The following CD7 variants were observed in gnomAD, a reference collection of about 807,000 sequenced individuals.
CD7 encodes CD7 molecule.
A neutral mutation model predicts 17.6 loss-of-function variants in CD7; 19 were observed. That is an observed-to-expected ratio of 1.08 (90% CI 0.75 to 1.58). CD7 has a LOEUF of 1.58. Ranked by LOEUF, CD7 falls within the 40% of genes most tolerant of loss-of-function variation. The pLI, the probability that CD7 is intolerant of heterozygous loss-of-function variation, is 0.00. For missense variants in CD7, 291 were observed against 327.1 expected (o/e 0.89, Z 0.85); for synonymous variants, 160 against 159.8 (o/e 1.00, Z -0.01).
In CD7 at chr17:82,317,340, G is replaced by A. The variant is rs1414046692; in HGVS notation, c.82+74C>T. ...TTCCTGGGGGCTGTGCTGTGGCTCA[G>A]ACTGGGGGCTCTGAGCTCATGGGGC... On this transcript the variant is annotated intron_variant, in intron 1 of 3. Transcript: ENST00000312648. The A allele has an allele frequency of 2.8e-6, 4 of 1,404,588 alleles. No homozygotes were observed. In the Admixed American group the frequency reaches 7.9e-5, roughly 28 times the overall value. The allele number at this position is 1,404,588 out of a possible 1,614,324, so 87.0% of individuals were successfully genotyped here. A position where few individuals can be genotyped will look rare whatever the true frequency, so the allele number is the denominator to read the frequency against.
At chr17:82,315,810 G>A (rs772050523) in intron 3 of CD7, 26 of 578,476 alleles carry the variant, frequency 4.5e-5, no homozygotes, top group Admixed American at 1.2e-4. Flanking sequence ...CAACATGCAC[G>A]CACAGTCCTC....
chr17:82,315,442 G>A lies in CD7; in HGVS notation c.613-11C>T, dbSNP rs2052000024. ...GCACAGTTTCTTTATCTGAAAGACA[G>A]AACCGCCGTCTCCAACCAGTGGCCA... On this transcript the variant is annotated splice_polypyrimidine_tract_variant and intron_variant, in intron 3 of 3. Transcript: ENST00000312648. The A allele has an allele frequency of 3.7e-6, 6 of 1,608,360 alleles. No homozygotes were observed. The highest frequency in any genetic ancestry group is 5.1e-6 in the Non-Finnish European group (6 of 1,175,052).
intron 3 of CD7, chr17:82,315,680 G>A (rs1386324545): frequency 9.1e-6 from 5 of 550,384 alleles, no homozygotes; most frequent in Non-Finnish European, 1.3e-5. Context: ...CAAGCCAAGC[G>A]GGACCCCCAC....
chr17:82,315,988 G>T (rs142275515), intron 3 of CD7: 3 of 668,576 alleles, frequency 4.5e-6, no homozygotes, highest in Non-Finnish European at 7.9e-6. Context: ...CGGGCCCAGC[G>T]CCTGGGCTGC....
At position 82,317,572 on chromosome 17, in the gene CD7, G is replaced by T; in HGVS notation, c.-77C>A. 7.6e-7 allele frequency: 1 copy of T among 1,322,668 alleles called. No individual in the cohort carries two copies. The highest frequency in any genetic ancestry group is 1.0e-6 in the Non-Finnish European group (1 of 976,780). The allele number at this position is 1,322,668 out of a possible 1,614,324, so 81.9% of individuals were successfully genotyped here. A position where few individuals can be genotyped will look rare whatever the true frequency, so the allele number is the denominator to read the frequency against. ...GGTCTACAGGACCCCACAGAGAGCA[G>T]CACACAGGAGACCGCAGGCGCTCAG... On this transcript the variant is annotated 5_prime_UTR_variant, in exon 1 of 4. In the 5' UTR this introduces an upstream ATG that the reference lacks. Coordinates refer to ENST00000312648, the MANE Select transcript of CD7 (RefSeq NM_006137.7).
In CD7 at chr17:82,317,444, G is replaced by C. The variant is rs747044187; in HGVS notation, c.52C>G (p.Arg18Gly). The C allele has an allele frequency of 6.4e-7, 1 of 1,570,812 alleles. No individual in the cohort carries two copies. The highest frequency in any genetic ancestry group is 8.6e-7 in the Non-Finnish European group (1 of 1,158,960). The change falls in exon 1 of 4, where the codon CGC becomes GGC. Residue 18 changes from arginine to glycine, a missense_variant. Physicochemically the swap from Arg to Gly is moderately radical, Grantham distance 125. Transcript: ENST00000312648. ...LLLPLLLALA[R>G]GLPGALAAQE... Reference sequence around the variant, plus strand: ...GCAGCCAGGGCCCCAGGCAGGCCGCGAGCCAGCGCCAGAAGCAGGGGCAGC... The same window carrying C: ...GCAGCCAGGGCCCCAGGCAGGCCGCCAGCCAGCGCCAGAAGCAGGGGCAGC...
At chr17:82,315,497 G>C in intron 3 of CD7, 66 bp from the exon 4 acceptor site, 2 of 1,266,890 alleles carry the variant, frequency 1.6e-6, no homozygotes, top group Non-Finnish European at 2.3e-6. Flanking sequence ...ACCCCACTCC[G>C]GTCAGCTTTC....
Position 82,315,146 on chromosome 17 carries a change from G to A in CD7, c.*175C>T, listed in dbSNP as rs374726181. ...GCATCATTGTCCACTGAGAAGCACCGTGGGGCCTGGCCACTGCCTGTGTGT... is the reference window on the plus strand; with the variant it reads ...GCATCATTGTCCACTGAGAAGCACCATGGGGCCTGGCCACTGCCTGTGTGT... On this transcript the variant is annotated 3_prime_UTR_variant, in exon 4 of 4. Transcript: ENST00000312648. 25 of 591,220 alleles carry A rather than the reference G, an allele frequency of 4.2e-5. No homozygotes were observed. The highest frequency in any genetic ancestry group is 2.9e-4 in the East Asian group (10 of 34,918). 36.6% of individuals were successfully genotyped at this position (591,220 alleles called of 1,614,324 possible).
Position 82,316,873 on chromosome 17 carries a change from G to A in CD7, c.191C>T (p.Pro64Leu), listed in dbSNP as rs751596683. 6.2e-7 allele frequency: 1 copy of A among 1,613,618 alleles called. No individual in the cohort carries two copies. The highest frequency in any genetic ancestry group is 2.2e-5 in the East Asian group (1 of 44,884). The stretch of plus-strand genomic sequence containing the variant: ...GTAGTAAATGATGTCTTGGGGCTGT[G>A]GCCCGAGCTGCCTCAGGTAGATCCC... The part of the protein sequence containing the change: ...LRGIYLRQLG[P>L]QPQDIIYYED... Residue 64 changes from proline (P) to leucine (L), a missense_variant, in exon 2 of 4, where the codon CCA (proline) becomes CTA (leucine). Coordinates refer to ENST00000312648, the MANE Select transcript of CD7 (RefSeq NM_006137.7).
chr17:82,315,307 A>C lies in CD7; in HGVS notation c.*14T>G, dbSNP rs2051997878. The C allele has an allele frequency of 6.3e-7, 1 of 1,575,040 alleles. No individual in the cohort carries two copies. Among genetic ancestry groups the C allele is most frequent in the South Asian group, 1.1e-5 (1 of 90,322 alleles). The stretch of plus-strand genomic sequence containing the variant: ...TGGGGGGACCACAGGCGGGACGTGC[A>C]GGGGCCCACTGGGTCACTGGTACTG... On this transcript the variant is annotated 3_prime_UTR_variant, in exon 4 of 4. Transcript: ENST00000312648.
chr17:82,316,394 C>T lies in CD7; in HGVS notation c.413G>A (p.Gly138Glu). 1.3e-6 allele frequency: 2 copies of T among 1,585,090 alleles called. No homozygotes were observed. The highest frequency in any genetic ancestry group is 8.6e-7 in the Non-Finnish European group (1 of 1,166,766). The change falls in exon 3 of 4, where the codon GGA (glycine) becomes GAA (glutamate). Residue 138 changes from glycine to glutamate, a missense_variant. Physicochemically the swap from Gly to Glu is moderately conservative, Grantham distance 98 (BLOSUM62 -2). Transcript: ENST00000312648. Reference protein sequence around the residue: ...LVLVTEEQSQGWHRCSDAPPR... With the variant: ...LVLVTEEQSQEWHRCSDAPPR... ...TGGGGCGTCCGAGCATCTGTGCCAT[C>T]CTTGGGACTGTTCCTCTGAGAAGGA...
intron 2 of CD7, 52 bp from the exon 3 acceptor site, chr17:82,316,461 GC>G: frequency 2.0e-6 from 3 of 1,473,114 alleles, no homozygotes; most frequent in Non-Finnish European, 1.8e-6. Context: ...ACCTGTTAGA[GC>G]CCCCGGGGTT....
intron 3 of CD7, chr17:82,315,869 C>T (rs2052006654): frequency 1.7e-6 from 1 of 599,106 alleles, no homozygotes; most frequent in East Asian, 2.8e-5. Context: ...ACACGCGGGC[C>T]CAGCGCCTGG....
At position 82,316,743 on chromosome 17, in the gene CD7, C is replaced by T. The variant is rs372834495; in HGVS notation, c.321G>A (p.Ser107=). 4.2e-5 allele frequency: 68 copies of T among 1,613,766 alleles called. No homozygotes were observed. The highest frequency in any genetic ancestry group is 6.7e-5 in the East Asian group (3 of 44,894). Residue 107 remains serine (S), a synonymous_variant, in exon 2 of 4, where the codon TCG becomes TCA. Coordinates refer to ENST00000312648, the MANE Select transcript of CD7 (RefSeq NM_006137.7). The part of the protein sequence containing the change: ...LTITMHRLQL[S]DTGTYTCQAI... ...CCTGGCAGGTGTAGGTGCCAGTGTC[C>T]GACAGCTGCAGGCGGTGCATGGTGA... is the stretch of plus-strand genomic sequence containing the variant.
intron 3 of CD7, 37 bp from the exon 4 acceptor site, chr17:82,315,468 G>C: frequency 6.5e-7 from 1 of 1,533,868 alleles, no homozygotes; most frequent in Non-Finnish European, 9.0e-7. Flanking sequence ...CCAGTGGCCA[G>C]CGTGGTGTCC....
Position 82,316,265 on chromosome 17 carries a change from GCAGGGAGGGCAGAGGCTGCTGGCGGGT to G in CD7, c.515_541del (p.Asp172_Pro180del), listed in dbSNP as rs779696544. 0.036 allele frequency: 56,380 copies of G among 1,575,390 alleles called. 1,177 individuals are homozygous for G. Among genetic ancestry groups the G allele is most frequent in the Non-Finnish European group, 0.042 (48,498 of 1,159,608 alleles). On this transcript the variant is annotated inframe_deletion, in exon 3 of 4. Coordinates refer to ENST00000312648, the MANE Select transcript of CD7 (RefSeq NM_006137.7). ...GAGGAAGGAGATCACCGCCAGGGCC[GCAGGGAGGGCAGAGGCTGCTGGCGGGT>G]CAGGGAGGGCAGAGGCTGTCTGCGG... is the stretch of plus-strand genomic sequence containing the variant.
chr17:82,316,212 C>G lies in CD7; in HGVS notation c.595G>C (p.Val199Leu), dbSNP rs867394595. 3.2e-6 allele frequency: 5 copies of G among 1,563,248 alleles called. No homozygotes were observed. Among genetic ancestry groups the G allele is most frequent in the Non-Finnish European group, 3.5e-6 (4 of 1,153,394 alleles). ...LLGLGLGVAC[V>L]LARTQIKKLC... ...ACACTGACCTGTGTCCTCGCCAGCA[C>G]ACACGCCACCCCCAGGCCCAGCCCG... is the stretch of plus-strand genomic sequence containing the variant. Residue 199 changes from valine (V) to leucine (L), a missense_variant, in exon 3 of 4, where the codon GTG (valine) becomes CTG (leucine). By Grantham distance (32) the Val-to-Leu change is conservative. Transcript: ENST00000312648.
rs1431724891 is a variant in CD7 at position 82,316,859 on chromosome 17, T to C, written c.205A>G (p.Ile69Val). The C allele has an allele frequency of 9.3e-6, 15 of 1,613,734 alleles. No individual in the cohort carries two copies. The highest frequency in any genetic ancestry group is 1.3e-5 in the Non-Finnish European group (15 of 1,180,000). Reference sequence around the variant, plus strand: ...ACCACCCCGTCCTCGTAGTAAATGATGTCTTGGGGCTGTGGCCCGAGCTGC... The same window carrying C: ...ACCACCCCGTCCTCGTAGTAAATGACGTCTTGGGGCTGTGGCCCGAGCTGC... The part of the protein sequence containing the change: ...LRQLGPQPQD[I>V]IYYEDGVVPT... The change falls in exon 2 of 4, where the codon ATC becomes GTC. Residue 69 changes from isoleucine to valine, a missense_variant. Transcript: ENST00000312648.
In CD7 at chr17:82,315,184, G is replaced by A. The variant is rs1382829304; in HGVS notation, c.*137C>T. 3.1e-6 allele frequency: 2 copies of A among 640,838 alleles called. No homozygotes were observed. Among genetic ancestry groups the A allele is most frequent in the Non-Finnish European group, 5.7e-6 (2 of 353,134 alleles). The allele number at this position is 640,838 out of a possible 1,614,324, so 39.7% of individuals were successfully genotyped here. ...ACTGCCTGTGTGTCTGCTTGGAGCT[G>A]GGCACGGCTGGGCCCTTCAAACTCT... On this transcript the variant is annotated 3_prime_UTR_variant, in exon 4 of 4. Coordinates refer to ENST00000312648, the MANE Select transcript of CD7 (RefSeq NM_006137.7).
Sources: gnomAD v4.1 joint callset for allele counts on GRCh38, gnomAD v4.1.1 for gene constraint, MANE v1.5 for transcripts, NCBI Gene and HGNC (gene_info 2026-07-23, HGNC 2026-07-21) for gene names.